WDR37: variants seen among roughly 807,000 people sequenced by gnomAD.
WDR37 encodes the protein WD repeat-containing protein 37.
A neutral mutation model predicts 62.9 loss-of-function variants in WDR37; 19 were observed. The ratio of observed to expected loss-of-function variants is 0.30; its 90% confidence interval spans 0.21 to 0.44. The LOEUF is 0.44. Ranked by LOEUF, WDR37 falls within the 20% of genes least tolerant of loss-of-function variation. The probability of loss-of-function intolerance (pLI) is 1.00; values close to 1 mark genes in which losing one functional copy is unlikely to be tolerated. For synonymous variants in WDR37, 250 were observed against 260.9 expected (o/e 0.96, Z 0.40); for missense variants, 474 against 657.6 (o/e 0.72, Z 3.05).
Position 1,084,617 on chromosome 10 carries a change from G to A in WDR37, c.532+79G>A. The stretch of plus-strand genomic sequence containing the variant: ...CTGAGTGATGGACATTCACTTTTCT[G>A]TGGCAGAGGAACCCTAGATGCAAAA... On this transcript the variant is annotated intron_variant, in intron 6 of 13. Coordinates refer to ENST00000263150, the MANE Select transcript of WDR37 (RefSeq NM_014023.4). 4.5e-6 allele frequency: 7 copies of A among 1,570,660 alleles called. No homozygotes were observed. In the South Asian group the frequency reaches 5.7e-5, roughly 13 times the overall value.
intron 7 of WDR37, among the ~76,000 whole-genome samples, chr10:1,089,821 G>C (rs1834328810): frequency 6.6e-6 from 1 of 152,160 alleles, no homozygotes; most frequent in Non-Finnish European, 1.5e-5. Flanking sequence ...CTTTCTTTGT[G>C]GGTCTGTTCC....
intron 7 of WDR37, among the ~76,000 whole-genome samples, chr10:1,087,033 TG>T (rs1309155230): frequency 1.3e-5 from 2 of 152,178 alleles, no homozygotes; most frequent in East Asian, 3.9e-4. Context: ...CAGGTGTGGG[TG>T]GGGCCCGTGG....
chr10:1,068,140 G>A (rs1415506383), intron 1 of WDR37, among the ~76,000 whole-genome samples: 3 of 152,042 alleles, frequency 2.0e-5, no homozygotes, highest in Non-Finnish European at 2.9e-5. Flanking sequence ...ATGATAGAAG[G>A]AATACATTCA....
At chr10:1,109,137 G>C (rs1215963950) in intron 11 of WDR37, among the ~76,000 whole-genome samples, 4 of 152,186 alleles carry the variant, frequency 2.6e-5, no homozygotes, top group African/African-American at 9.7e-5. Context: ...GAGGCATGAG[G>C]AGGCCAGGTG....
intron 11 of WDR37, among the ~76,000 whole-genome samples, chr10:1,115,019 C>G (rs934753199): frequency 2.7e-5 from 4 of 150,520 alleles, no homozygotes; most frequent in Non-Finnish European, 5.9e-5. Context: ...CCCTCCCCAT[C>G]TCCCTTTTTT....
chr10:1,070,930 G>A lies in WDR37; in HGVS notation c.-40-1186G>A, dbSNP rs185174183. 2.3e-3 allele frequency among the ~76,000 whole-genome samples: 343 copies of A among 152,324 alleles called. 3 individuals are homozygous for A. The highest frequency in any genetic ancestry group is 1.0e-3 in the Non-Finnish European group (68 of 68,026). On this transcript the variant is annotated intron_variant, in intron 1 of 13. Transcript: ENST00000263150. Reference sequence around the variant, plus strand: ...TTGGAAGGAAAGGAGTAGCATTTCAGGGATGTGTGTCTGCACCTGGTAATG... The same window carrying A: ...TTGGAAGGAAAGGAGTAGCATTTCAAGGATGTGTGTCTGCACCTGGTAATG...
intron 3 of WDR37, among the ~76,000 whole-genome samples, chr10:1,078,547 A>G (rs1833942247): frequency 6.6e-6 from 1 of 152,226 alleles, no homozygotes; most frequent in Non-Finnish European, 1.5e-5. Context: ...TTTGGTGGTT[A>G]GTCCTGTGAA....
intron 6 of WDR37, among the ~76,000 whole-genome samples, chr10:1,085,705 A>T (rs905921458): frequency 6.6e-6 from 1 of 152,202 alleles, no homozygotes; most frequent in African/African-American, 2.4e-5. Flanking sequence ...AACTGTTTTC[A>T]TGGATGAGCG....
At chr10:1,067,054 A>G (rs1472515586) in intron 1 of WDR37, among the ~76,000 whole-genome samples, 3 of 152,234 alleles carry the variant, frequency 2.0e-5, no homozygotes, top group Admixed American at 1.3e-4. Flanking sequence ...AGCTGGGGAC[A>G]TAGCCAAACC....
Position 1,103,478 on chromosome 10 carries a change from G to T in WDR37, c.727-124G>T. On this transcript the variant is annotated intron_variant, in intron 9 of 13. Coordinates refer to ENST00000263150, the MANE Select transcript of WDR37 (RefSeq NM_014023.4). This position sits in a 1 kb window ranked among gnomAD's most constrained non-coding sequence, Gnocchi z 6.3. ...TGTGGCCAGCACCAGGCTCCTAGTG[G>T]TGACCATCATGATGGATATGTCCTC... 1 of 1,023,540 alleles carries T rather than the reference G, an allele frequency of 9.8e-7. No individual in the cohort carries two copies. Among genetic ancestry groups the T allele is most frequent in the Admixed American group, 2.1e-5 (1 of 47,360 alleles). The allele number at this position is 1,023,540 out of a possible 1,614,324, so 63.4% of individuals were successfully genotyped here.
chr10:1,089,642 AGCCTTCCCGTGCTCACCCGCAGTTCG>A (rs71930905), intron 7 of WDR37, among the ~76,000 whole-genome samples: 86,537 of 151,032 alleles, frequency 0.57, 25,732 homozygotes, highest in Non-Finnish European at 0.66. Flanking sequence ...CCCACAATTC[AGCCTTCCCGTGCTCACCCGCAGTTCG>A]GCCTTCCCGT....
At chr10:1,114,618 G>A (rs1349661707) in intron 11 of WDR37, among the ~76,000 whole-genome samples, 4 of 152,198 alleles carry the variant, frequency 2.6e-5, no homozygotes, top group Admixed American at 6.5e-5. Context: ...CTTGTGATCC[G>A]CCTTACTGCG....
At chr10:1,070,846 A>G (rs1589080140) in intron 1 of WDR37, among the ~76,000 whole-genome samples, 1 of 152,254 alleles carries the variant, frequency 6.6e-6, no homozygotes, top group Non-Finnish European at 1.5e-5. Context: ...ATTGTAGAAA[A>G]GGAATCATTC....
At chr10:1,128,873 T>C (rs1006416534) in intron 13 of WDR37, among the ~76,000 whole-genome samples, 3 of 151,586 alleles carry the variant, frequency 2.0e-5, no homozygotes, top group Non-Finnish European at 4.4e-5. Flanking sequence ...CGGCGGTCCA[T>C]GCTCGGTGGT....
chr10:1,059,102 G>T (rs770205316), intron 1 of WDR37, among the ~76,000 whole-genome samples: 2 of 152,216 alleles, frequency 1.3e-5, no homozygotes, highest in African/African-American at 4.8e-5. Context: ...TTGGCAGGGC[G>T]TGGTGGCTCA....
chr10:1,087,906 C>T (rs1417603989), intron 7 of WDR37, among the ~76,000 whole-genome samples: 1 of 152,232 alleles, frequency 6.6e-6, no homozygotes, highest in Non-Finnish European at 1.5e-5. Flanking sequence ...TGTTTGTTTG[C>T]ATTCAAAACC....
intron 6 of WDR37, among the ~76,000 whole-genome samples, chr10:1,085,801 G>A (rs1316841700): frequency 3.9e-5 from 6 of 152,082 alleles, no homozygotes; most frequent in Non-Finnish European, 7.4e-5. Flanking sequence ...TGGCTAATTG[G>A]TGCTTATTTC....
chr10:1,109,499 G>T (rs1413839642), intron 11 of WDR37, among the ~76,000 whole-genome samples: 1 of 152,180 alleles, frequency 6.6e-6, no homozygotes, highest in Admixed American at 6.5e-5. Context: ...ATCACCTGAG[G>T]CTGGGAGTTT....
At chr10:1,108,881 G>A (rs1196563736) in intron 11 of WDR37, among the ~76,000 whole-genome samples, 1 of 152,202 alleles carries the variant, frequency 6.6e-6, no homozygotes, top group Non-Finnish European at 1.5e-5. Flanking sequence ...TCAGAGCTTT[G>A]AGAATTGGGT....
Sources: gnomAD v4.1 joint callset for allele counts (sites outside exome capture counted in the v4.1 genomes callset) on GRCh38, gnomAD v4.1.1 for gene constraint, Gnocchi (gnomAD v3.1) non-coding constraint, MANE v1.5 for transcripts, NCBI Gene and HGNC (gene_info 2026-07-23, HGNC 2026-07-21) for gene names.